CHRNA7: variants seen among roughly 807,000 people sequenced by gnomAD.
CHRNA7 encodes neuronal acetylcholine receptor subunit alpha-7.
A neutral mutation model predicts 48.0 loss-of-function variants in CHRNA7; 17 were observed. The observed-to-expected ratio is 0.35, with a 90% CI of 0.24 to 0.53. CHRNA7 has a LOEUF of 0.53. Ranked by LOEUF, CHRNA7 falls within the 20% of genes least tolerant of loss-of-function variation. The pLI, the probability that CHRNA7 is intolerant of heterozygous loss-of-function variation, is 0.92. For missense variants in CHRNA7, 155 were observed against 577.7 expected (o/e 0.27, Z 7.50); for synonymous variants, 75 against 242.3 (o/e 0.31, Z 6.41).
At chr15:32,082,901 G>A (rs886173172) in intron 2 of CHRNA7, among the ~76,000 whole-genome samples, 5 of 152,062 alleles carry the variant, frequency 3.3e-5, no homozygotes, top group African/African-American at 9.7e-5. Context: ...TTGGGAGGCC[G>A]AGACAGGTGG....
intron 2 of CHRNA7, among the ~76,000 whole-genome samples, chr15:32,051,642 G>T (rs998173417): frequency 6.6e-6 from 1 of 152,144 alleles, no homozygotes; most frequent in Non-Finnish European, 1.5e-5. Context: ...CTGGTGCATG[G>T]TGCGCTGCAC....
intron 3 of CHRNA7, among the ~76,000 whole-genome samples, chr15:32,105,123 C>T (rs2050641530): frequency 6.6e-6 from 1 of 152,192 alleles, no homozygotes; most frequent in Admixed American, 6.5e-5. Context: ...TCAAGCACAG[C>T]TAATTTTAAT....
intron 2 of CHRNA7, 33 bp downstream of exon 2, chr15:32,031,070 C>T (rs75349629): frequency 3.1e-6 from 5 of 1,612,164 alleles, no homozygotes; most frequent in South Asian, 1.1e-5. Context: ...GCTGCCCTCT[C>T]CCCTTCCTGG....
intron 4 of CHRNA7, among the ~76,000 whole-genome samples, chr15:32,126,232 C>T (rs2051064285): frequency 6.6e-6 from 1 of 152,166 alleles, no homozygotes; most frequent in African/African-American, 2.4e-5. Flanking sequence ...ATGGATTCTA[C>T]TTTATTGACT....
intron 4 of CHRNA7, among the ~76,000 whole-genome samples, chr15:32,137,031 C>CAAAAAAAAAAA (rs775166263): frequency 1.4e-4 from 9 of 63,854 alleles, no homozygotes; most frequent in African/African-American, 3.0e-4. Context: ...GACTCCGTCT[C>CAAAAAAAAAAA]AAAAAAAAAA....
chr15:32,101,881 A>G (rs1305726284), intron 3 of CHRNA7: 1 of 152,356 alleles, frequency 6.6e-6, no homozygotes, highest in Non-Finnish European at 1.5e-5. Flanking sequence ...GATGCCACTT[A>G]ACATCCAATT....
At chr15:32,036,874 A>G (rs1485691047) in intron 2 of CHRNA7, among the ~76,000 whole-genome samples, 1 of 151,362 alleles carries the variant, frequency 6.6e-6, no homozygotes, top group Non-Finnish European at 1.5e-5. Context: ...TTTCCCAGTC[A>G]GTACCTTGTT....
chr15:32,127,539 C>T (rs2051088915), intron 4 of CHRNA7, among the ~76,000 whole-genome samples: 1 of 152,058 alleles, frequency 6.6e-6, no homozygotes, highest in Admixed American at 6.5e-5. Context: ...TTTACATTCT[C>T]CTGGTGGCTA....
intron 2 of CHRNA7, among the ~76,000 whole-genome samples, chr15:32,070,932 C>T (rs534361736): frequency 1.3e-5 from 2 of 151,712 alleles, no homozygotes; most frequent in African/African-American, 2.4e-5. Context: ...CATGATCCGC[C>T]CATCTCAGCC....
intron 2 of CHRNA7, among the ~76,000 whole-genome samples, chr15:32,036,840 T>C (rs1902114721): frequency 1.3e-5 from 2 of 151,900 alleles, no homozygotes; most frequent in Admixed American, 1.3e-4. Context: ...CAGTCCTTTA[T>C]CAGGTATGTC....
Position 32,111,732 on chromosome 15 carries a change from A to G in CHRNA7, c.241-58A>G, listed in dbSNP as rs79187520. 1.9e-3 allele frequency: 1,861 copies of G among 995,950 alleles called. 18 individuals carry two copies. The African/African-American group carries it at 0.026, about 14-fold the overall frequency. The allele number at this position is 995,950 out of a possible 1,614,324, so 61.7% of individuals were successfully genotyped here. ...TTTTGCACTTACCTAATAATCGCTT[A>G]TGAGAAATATTAGTAGCCAAGGAAG... On this transcript the variant is annotated intron_variant, in intron 3 of 9. Coordinates refer to ENST00000306901, the MANE Select transcript of CHRNA7 (RefSeq NM_000746.6).
Position 32,139,082 on chromosome 15 carries a change from A to C in CHRNA7, c.351-14825A>C, listed in dbSNP as rs1461431459. ...TCTGTTTTGCTGTCTCCATTGCTTT[A>C]CTTTTCCTAGAATATCATATAATTG... On this transcript the variant is annotated intron_variant, in intron 4 of 9. Transcript: ENST00000306901. 2.0e-5 allele frequency among the ~76,000 whole-genome samples: 3 copies of C among 152,094 alleles called. No individual in the cohort carries two copies. In the East Asian group the frequency reaches 5.8e-4, roughly 29 times the overall value.
chr15:32,149,795 T>C lies in CHRNA7; in HGVS notation c.351-4112T>C, dbSNP rs559446156. On this transcript the variant is annotated intron_variant, in intron 4 of 9. Coordinates refer to ENST00000306901, the MANE Select transcript of CHRNA7 (RefSeq NM_000746.6). This position sits in a 1 kb window ranked among gnomAD's most constrained non-coding sequence, Gnocchi z 4.6. ...ATAGCAACAGTTTTTTTATCTTGTT[T>C]TTACCTGTTTGCCTTGTGATCTCAA... Among the ~76,000 whole-genome samples, 89 of 152,150 alleles carry C rather than the reference T, an allele frequency of 5.8e-4. No individual in the cohort carries two copies. The highest frequency in any genetic ancestry group is 2.4e-3 in the Admixed American group (36 of 15,290).
chr15:32,152,304 G>T (rs2051646566), intron 4 of CHRNA7, among the ~76,000 whole-genome samples: 1 of 152,170 alleles, frequency 6.6e-6, no homozygotes, highest in Non-Finnish European at 1.5e-5. Context: ...TTAGCCGGGA[G>T]TGGTGGCACG....
Position 32,151,333 on chromosome 15 carries a change from G to A in CHRNA7, c.351-2574G>A, listed in dbSNP as rs186286586. Among the ~76,000 whole-genome samples the A allele has an allele frequency of 4.3e-4, 66 of 151,960 alleles. 1 individual carries two copies. The highest frequency in any genetic ancestry group is 1.0e-4 in the Non-Finnish European group (7 of 67,992). On this transcript the variant is annotated intron_variant, in intron 4 of 9. Coordinates refer to ENST00000306901, the MANE Select transcript of CHRNA7 (RefSeq NM_000746.6). Reference sequence around the variant, plus strand: ...AGTCATCCTCTAAATCTCTTTTATCGATCTCCAGGTTTAATCTAAAAGTGT... The same window carrying A: ...AGTCATCCTCTAAATCTCTTTTATCAATCTCCAGGTTTAATCTAAAAGTGT...
chr15:32,092,501 C>T (rs1162139181), intron 2 of CHRNA7, among the ~76,000 whole-genome samples: 1 of 152,086 alleles, frequency 6.6e-6, no homozygotes, highest in African/African-American at 2.4e-5. Flanking sequence ...TTTAATCATT[C>T]ATTCATTCAT....
At chr15:32,030,689 A>C in intron 1 of CHRNA7, 40 bp downstream of exon 1, 1 of 1,554,442 alleles carries the variant, frequency 6.4e-7, no homozygotes, top group Non-Finnish European at 8.7e-7. Flanking sequence ...CCTCCGTGGG[A>C]TCCCGGGCAC....
At chr15:32,063,868 C>G (rs1003730370) in intron 2 of CHRNA7, among the ~76,000 whole-genome samples, 1 of 152,194 alleles carries the variant, frequency 6.6e-6, no homozygotes, top group South Asian at 2.1e-4. Context: ...ATTTCAATAG[C>G]TATCAACTAG....
chr15:32,147,927 T>C (rs1037360075), intron 4 of CHRNA7, among the ~76,000 whole-genome samples: 7 of 152,226 alleles, frequency 4.6e-5, no homozygotes, highest in African/African-American at 1.7e-4. Context: ...TCACATGGAA[T>C]TGGGGAATTG....
Sources: allele counts gnomAD v4.1 joint callset (sites outside exome capture counted in the v4.1 genomes callset), GRCh38; gene constraint gnomAD v4.1.1; non-coding constraint Gnocchi (gnomAD v3.1); transcripts MANE v1.5; gene names NCBI Gene and HGNC (gene_info 2026-07-23, HGNC 2026-07-21).